Variants in CHRM5 observed in about 807,000 individuals in gnomAD.
CHRM5 encodes muscarinic acetylcholine receptor M5.
Under a neutral mutation model 39.0 loss-of-function variants are expected in CHRM5, and 18 were observed. That is an observed-to-expected ratio of 0.46 (90% CI 0.32 to 0.68). The LOEUF (loss-of-function observed/expected upper bound fraction) is 0.68, where lower values mean the gene tolerates loss of function less well. Ranked by LOEUF, CHRM5 falls within the 30% of genes least tolerant of loss-of-function variation. The pLI is 0.04. For synonymous variants in CHRM5, 241 were observed against 246.3 expected (o/e 0.98, Z 0.20); for missense variants, 515 against 651.1 (o/e 0.79, Z 2.28).
chr15:33,973,019 A>G (rs913284216), intron 1 of CHRM5, among the ~76,000 whole-genome samples: 1 of 152,226 alleles, frequency 6.6e-6, no homozygotes, highest in Non-Finnish European at 1.5e-5. Context: ...GTACTGGTTC[A>G]TTACAACCAA....
chr15:34,026,399 T>C (rs1350266370), intron 1 of CHRM5, among the ~76,000 whole-genome samples: 1 of 152,128 alleles, frequency 6.6e-6, no homozygotes, highest in Admixed American at 6.5e-5. Flanking sequence ...TAACCTTTTA[T>C]ATTAAAGGGG....
At chr15:34,028,107 C>G (rs528045943) in intron 1 of CHRM5, among the ~76,000 whole-genome samples, 1 of 152,248 alleles carries the variant, frequency 6.6e-6, no homozygotes, top group South Asian at 2.1e-4. Flanking sequence ...AGAGACCCCC[C>G]CTCAGCAAAA....
chr15:33,977,296 C>G (rs1481017514), intron 1 of CHRM5, among the ~76,000 whole-genome samples: 1 of 152,134 alleles, frequency 6.6e-6, no homozygotes, highest in Non-Finnish European at 1.5e-5. Flanking sequence ...GACACTTTTT[C>G]TCATATATTG....
At chr15:34,000,714 G>A (rs1460390702) in intron 1 of CHRM5, among the ~76,000 whole-genome samples, 4 of 152,128 alleles carry the variant, frequency 2.6e-5, no homozygotes, top group Non-Finnish European at 2.9e-5. Context: ...CCAAAACACT[G>A]AGTATGAAGA....
At chr15:34,031,584 C>T (rs1043030300) in intron 1 of CHRM5, among the ~76,000 whole-genome samples, 3 of 152,120 alleles carry the variant, frequency 2.0e-5, no homozygotes, top group African/African-American at 7.2e-5. Flanking sequence ...CAAGAGGACT[C>T]AAAGGTAGAA....
chr15:34,033,040 C>T (rs1405981455), intron 1 of CHRM5, among the ~76,000 whole-genome samples: 1 of 152,098 alleles, frequency 6.6e-6, no homozygotes, highest in Non-Finnish European at 1.5e-5. Flanking sequence ...TTCCCATCTA[C>T]CTATTTATGT....
At chr15:33,998,693 A>C (rs1159028714) in intron 1 of CHRM5, among the ~76,000 whole-genome samples, 1 of 152,176 alleles carries the variant, frequency 6.6e-6, no homozygotes, top group Non-Finnish European at 1.5e-5. Flanking sequence ...TTTAACAGTC[A>C]ATTCTTCATT....
chr15:33,980,799 T>C (rs1199173272), intron 1 of CHRM5, among the ~76,000 whole-genome samples: 1 of 152,186 alleles, frequency 6.6e-6, no homozygotes, highest in African/African-American at 2.4e-5. Context: ...ATGTGTACCA[T>C]ATGCAAAACA....
At chr15:34,041,274 A>G (rs1217830780) in intron 1 of CHRM5, among the ~76,000 whole-genome samples, 9 of 152,224 alleles carry the variant, frequency 5.9e-5, no homozygotes, top group Non-Finnish European at 1.3e-4. Context: ...ACCCTGGATG[A>G]GAACCACTAG....
chr15:33,974,278 G>C (rs1371206759), intron 1 of CHRM5, among the ~76,000 whole-genome samples: 2 of 152,192 alleles, frequency 1.3e-5, no homozygotes, highest in Non-Finnish European at 2.9e-5. Flanking sequence ...TCAAAGATGA[G>C]TGGAGAAAGT....
At chr15:34,017,873 T>G (rs1040625549) in intron 1 of CHRM5, among the ~76,000 whole-genome samples, 1 of 152,184 alleles carries the variant, frequency 6.6e-6, no homozygotes, top group South Asian at 2.1e-4. Flanking sequence ...GGACCATATT[T>G]ACAACAGTGG....
chr15:34,000,134 C>A (rs1023568018), intron 1 of CHRM5, among the ~76,000 whole-genome samples: 3 of 152,152 alleles, frequency 2.0e-5, no homozygotes, highest in Admixed American at 1.3e-4. Context: ...GATCTTTGCT[C>A]AAATGTTATA....
intron 1 of CHRM5, among the ~76,000 whole-genome samples, chr15:33,975,202 G>A (rs652699): frequency 0.97 from 148,252 of 152,252 alleles, 72,250 homozygotes; most frequent in Non-Finnish European, 1. Flanking sequence ...TCTAAGATAT[G>A]TTTGTTGTAA....
At chr15:33,974,291 C>T (rs1895775338) in intron 1 of CHRM5, among the ~76,000 whole-genome samples, 1 of 152,182 alleles carries the variant, frequency 6.6e-6, no homozygotes, top group South Asian at 2.1e-4. Flanking sequence ...GAGAAAGTGA[C>T]ACACTTAAAA....
chr15:33,992,263 A>G (rs1421399243), intron 1 of CHRM5, among the ~76,000 whole-genome samples: 3 of 152,036 alleles, frequency 2.0e-5, no homozygotes, highest in Admixed American at 6.6e-5. Context: ...GGTGGCGGGC[A>G]CCTGTAGTCC....
At chr15:33,988,097 C>T (rs1353600009) in intron 1 of CHRM5, among the ~76,000 whole-genome samples, 1 of 152,236 alleles carries the variant, frequency 6.6e-6, no homozygotes, top group Admixed American at 6.5e-5. Context: ...GGCTTCTGTC[C>T]AGGTGCCTGC....
At position 33,997,230 on chromosome 15, in the gene CHRM5, C is replaced by T. The variant is rs547715301; in HGVS notation, c.-408+28080C>T. Among the ~76,000 whole-genome samples the T allele has an allele frequency of 3.9e-5, 6 of 152,242 alleles. No individual in the cohort carries two copies. In the East Asian group the frequency reaches 1.2e-3, roughly 29 times the overall value. On this transcript the variant is annotated intron_variant, in intron 1 of 2. Coordinates refer to ENST00000383263, the MANE Select transcript of CHRM5 (RefSeq NM_012125.4). ...AAATTTAAAACAATGCACTGAAAGACACACTATAGAAGTGAATCTCATATC... is the reference window on the plus strand; with the variant it reads ...AAATTTAAAACAATGCACTGAAAGATACACTATAGAAGTGAATCTCATATC...
At chr15:34,042,402 T>G (rs1029060680) in intron 1 of CHRM5, among the ~76,000 whole-genome samples, 3 of 148,848 alleles carry the variant, frequency 2.0e-5, no homozygotes, top group Admixed American at 6.7e-5. Context: ...CTAAGTTTTT[T>G]TTTTTTTTTT....
chr15:34,017,057 G>A (rs183032184), intron 1 of CHRM5, among the ~76,000 whole-genome samples: 12 of 152,062 alleles, frequency 7.9e-5, no homozygotes, highest in East Asian at 1.9e-4. Flanking sequence ...CCTCAGCCTG[G>A]GGAGGTCAAG....
Sources: allele counts gnomAD v4.1 joint callset (sites outside exome capture counted in the v4.1 genomes callset), GRCh38; gene constraint gnomAD v4.1.1; transcripts MANE v1.5; gene names NCBI Gene and HGNC (gene_info 2026-07-23, HGNC 2026-07-21).